Variants in CD55 observed in about 807,000 individuals in gnomAD.
CD55 encodes the protein CD55 molecule (Cromer blood group), also known as complement decay-accelerating factor.
Under a neutral mutation model 45.8 loss-of-function variants are expected in CD55, and 41 were observed. That is an observed-to-expected ratio of 0.90 (90% CI 0.70 to 1.16). CD55 has a LOEUF of 1.16. Ranked by LOEUF, CD55 falls within the 50% of genes most tolerant of loss-of-function variation. The pLI is 0.00. For synonymous variants in CD55, 181 were observed against 181.1 expected, an observed-to-expected ratio of 1.00 and a Z score of 0.01; for missense variants, 416 against 469.8, an observed-to-expected ratio of 0.89 and a Z score of 1.06.
At position 207,347,133 on chromosome 1, in the gene CD55, T is replaced by TAA. The variant is rs1344062060; in HGVS notation, c.1081+7716_1081+7717insAA. ...TGTGATTATGTAATTCCTGCTTAGG[T>TAA]TTCTCTCCATGGAAGAGGAGAAGAC... is the stretch of plus-strand genomic sequence containing the variant. On this transcript the variant is annotated intron_variant, in intron 9 of 9. Coordinates refer to ENST00000367064, the MANE Select transcript of CD55 (RefSeq NM_000574.5). 8.8e-6 allele frequency: 4 copies of TAA among 456,274 alleles called. No homozygotes were observed. The East Asian group carries it at 2.8e-4, about 32-fold the overall frequency. The allele number at this position is 456,274 out of a possible 1,614,324, so 28.3% of individuals were successfully genotyped here. A position where few individuals can be genotyped will look rare whatever the true frequency, so the allele number is the denominator to read the frequency against.
Position 207,339,391 on chromosome 1 carries a change from C to T in CD55, c.1061-6C>T, listed in dbSNP as rs981098394. 6.2e-7 allele frequency: 1 copy of T among 1,602,578 alleles called. No individual in the cohort carries two copies. The highest frequency in any genetic ancestry group is 8.5e-7 in the Non-Finnish European group (1 of 1,175,574). ...TGTTAATCCTTTTTTTCCCCTTCGT[C>T]TGTAGGTACTACCCGTCTTCTATCT... On this transcript the variant is annotated splice_polypyrimidine_tract_variant and splice_region_variant and intron_variant, in intron 8 of 9. Coordinates refer to ENST00000367064, the MANE Select transcript of CD55 (RefSeq NM_000574.5).
At chr1:207,328,954 G>A (rs528004387) in intron 5 of CD55, among the ~76,000 whole-genome samples, 4 of 152,314 alleles carry the variant, frequency 2.6e-5, no homozygotes, top group Admixed American at 2.0e-4. Flanking sequence ...CACTGTATGG[G>A]TTCTCTGGTG....
At chr1:207,357,646 T>A (rs912368555) in intron 9 of CD55, among the ~76,000 whole-genome samples, 4 of 152,076 alleles carry the variant, frequency 2.6e-5, no homozygotes, top group African/African-American at 9.7e-5. Context: ...TTTCATCAGT[T>A]TCTTTACATA....
intron 8 of CD55, among the ~76,000 whole-genome samples, chr1:207,338,633 G>A (rs1407040692): frequency 1.3e-5 from 2 of 152,068 alleles, no homozygotes; most frequent in African/African-American, 4.8e-5. Flanking sequence ...TAAAAAAATT[G>A]TAGCCACCAC....
chr1:207,344,774 G>T (rs996822852), intron 9 of CD55, among the ~76,000 whole-genome samples: 6 of 151,376 alleles, frequency 4.0e-5, no homozygotes, highest in Non-Finnish European at 8.8e-5. Flanking sequence ...GTACAGTGGC[G>T]CAATCTCAGC....
At chr1:207,332,479 A>G (rs1254037185) in intron 6 of CD55, among the ~76,000 whole-genome samples, 2 of 152,184 alleles carry the variant, frequency 1.3e-5, no homozygotes, top group African/African-American at 4.8e-5. Context: ...GACTGTACCA[A>G]TTTAGTCTCC....
chr1:207,331,519 A>G (rs1654947147), intron 6 of CD55, among the ~76,000 whole-genome samples: 1 of 152,352 alleles, frequency 6.6e-6, no homozygotes, highest in East Asian at 1.9e-4. Flanking sequence ...ATGTGTATAT[A>G]TAAAATAGGC....
At chr1:207,337,579 A>T (rs576887532) in intron 8 of CD55, 170 bp downstream of exon 8, 3 of 430,398 alleles carry the variant, frequency 7.0e-6, no homozygotes, top group African/African-American at 6.1e-5. Flanking sequence ...GTACTAGGGC[A>T]AATCTTTAAA....
intron 9 of CD55, among the ~76,000 whole-genome samples, chr1:207,352,380 C>T (rs58662186): frequency 2.6e-5 from 4 of 151,940 alleles, no homozygotes; most frequent in Non-Finnish European, 5.9e-5. Context: ...GCACTCTGTA[C>T]TTAAAAAAGG....
chr1:207,327,048 A>G (rs553708299), intron 5 of CD55, among the ~76,000 whole-genome samples: 10 of 152,216 alleles, frequency 6.6e-5, no homozygotes, highest in Non-Finnish European at 1.3e-4. Flanking sequence ...CTGAGTCCCA[A>G]TTCCCAAATT....
chr1:207,350,258 C>G, intron 9 of CD55: 2 of 324,130 alleles, frequency 6.2e-6, no homozygotes, highest in Non-Finnish European at 6.1e-6. Flanking sequence ...TGGATTTGAT[C>G]TGCTAGTATT....
chr1:207,324,348 C>T (rs1171400319), intron 2 of CD55, among the ~76,000 whole-genome samples: 4 of 152,018 alleles, frequency 2.6e-5, no homozygotes, highest in Middle Eastern at 6.8e-3. Flanking sequence ...ACCAACTCTA[C>T]TTCCTAAGCC....
Position 207,354,037 on chromosome 1 carries a change from G to T in CD55, c.1082-5509G>T, listed in dbSNP as rs1005699714. ...CAAGTTAGACCTTTTGAAGTGTCTG[G>T]GTCATCCCACATTTCTTCAAAAAAG... is the stretch of plus-strand genomic sequence containing the variant. On this transcript the variant is annotated intron_variant, in intron 9 of 9. Transcript: ENST00000367064. 4 of 1,535,140 alleles carry T rather than the reference G, an allele frequency of 2.6e-6. No individual in the cohort carries two copies. In the East Asian group the frequency reaches 9.8e-5, roughly 38 times the overall value.
At chr1:207,337,255 G>C in intron 7 of CD55, 74 bp from the exon 8 acceptor site, 1 of 962,016 alleles carries the variant, frequency 1.0e-6, no homozygotes, top group Non-Finnish European at 1.7e-6. Context: ...CAGCACGTAA[G>C]TCCACTAATG....
chr1:207,335,130 T>C (rs942511174), intron 6 of CD55, among the ~76,000 whole-genome samples: 1 of 152,100 alleles, frequency 6.6e-6, no homozygotes, highest in Admixed American at 6.5e-5. Flanking sequence ...ATAAAATAGC[T>C]TCAATCTATA....
At chr1:207,342,236 C>G (rs137932891) in intron 9 of CD55, among the ~76,000 whole-genome samples, 56 of 152,052 alleles carry the variant, frequency 3.7e-4, no homozygotes, top group Admixed American at 1.8e-3. Flanking sequence ...TTATTTCTTT[C>G]TTTTGCCTGG....
At chr1:207,353,481 G>A (rs1457007826) in intron 9 of CD55, among the ~76,000 whole-genome samples, 1 of 152,050 alleles carries the variant, frequency 6.6e-6, no homozygotes, top group Admixed American at 6.6e-5. Flanking sequence ...AAATCTAAAT[G>A]TACTTTCAAG....
At chr1:207,325,440 A>G (rs1163293518) in intron 3 of CD55, among the ~76,000 whole-genome samples, 182 bp from the exon 4 acceptor site, 3 of 151,890 alleles carry the variant, frequency 2.0e-5, no homozygotes, top group South Asian at 4.1e-4. Flanking sequence ...CCTGAGCTTT[A>G]TTGAGGTATA....
Position 207,331,162 on chromosome 1 carries a change from G to A in CD55, c.719G>A (p.Arg240His), listed in dbSNP as rs199705465. The A allele has an allele frequency of 3.0e-5, 48 of 1,613,510 alleles. No homozygotes were observed. Among genetic ancestry groups the A allele is most frequent in the Admixed American group, 1.5e-4 (9 of 59,994 alleles). ...QIDNGIIQGE[R>H]DHYGYRQSVT... ...GACAATGGAATAATTCAAGGGGAAC[G>A]TGACCATTATGGATATAGACAGTCT... The change falls in exon 6 of 10, where the codon CGT (arginine) becomes CAT (histidine). Residue 240 changes from arginine to histidine, a missense_variant. By Grantham distance (29) the Arg-to-His change is conservative. Transcript: ENST00000367064.
Sources: gnomAD v4.1 joint callset for allele counts (sites outside exome capture counted in the v4.1 genomes callset) on GRCh38, gnomAD v4.1.1 for gene constraint, MANE v1.5 for transcripts, NCBI Gene and HGNC (gene_info 2026-07-23, HGNC 2026-07-21) for gene names.